ZFAND3: variants seen among roughly 807,000 people sequenced by gnomAD.
ZFAND3 encodes zinc finger AN1-type containing 3.
In ZFAND3, 10 loss-of-function variants were observed where a neutral mutation model predicts 29.6. The observed-to-expected ratio is 0.34, with a 90% CI of 0.21 to 0.57. The LOEUF (loss-of-function observed/expected upper bound fraction) is 0.57, where lower values mean the gene tolerates loss of function less well. Ranked by LOEUF, ZFAND3 falls within the 20% of genes least tolerant of loss-of-function variation. ZFAND3 has a pLI of 0.86. For missense variants in ZFAND3, 230 were observed against 304.5 expected (o/e 0.76, Z 1.82); for synonymous variants, 128 against 112.6 (o/e 1.14, Z -0.87).
chr6:37,896,586 T>G (rs147912923), intron 1 of ZFAND3, among the ~76,000 whole-genome samples: 2 of 135,024 alleles, frequency 1.5e-5, no homozygotes, highest in African/African-American at 5.3e-5. Flanking sequence ...TTCTCTCTCT[T>G]TCTCTTTTTC....
intron 2 of ZFAND3, among the ~76,000 whole-genome samples, chr6:37,932,577 T>C (rs1581772794): frequency 6.6e-6 from 1 of 152,334 alleles, no homozygotes; most frequent in African/African-American, 2.4e-5. Flanking sequence ...TGTAATTTAG[T>C]AAAGTATGGC....
At chr6:38,079,530 A>G (rs59578279) in intron 3 of ZFAND3, among the ~76,000 whole-genome samples, 1 of 152,172 alleles carries the variant, frequency 6.6e-6, no homozygotes, top group African/African-American at 2.4e-5. Flanking sequence ...TCTAGAACAT[A>G]TGTAAATATG....
chr6:37,898,464 C>A (rs1307278625), intron 1 of ZFAND3, among the ~76,000 whole-genome samples: 3 of 152,118 alleles, frequency 2.0e-5, no homozygotes, highest in African/African-American at 7.2e-5. Flanking sequence ...TATTATTCTT[C>A]ATGATTGTCT....
At chr6:38,044,506 G>A (rs1303328833) in intron 2 of ZFAND3, among the ~76,000 whole-genome samples, 1 of 152,110 alleles carries the variant, frequency 6.6e-6, no homozygotes, top group African/African-American at 2.4e-5. Flanking sequence ...CTCTTGACTA[G>A]GCATCTTTAA....
chr6:38,038,241 G>A (rs985167002), intron 2 of ZFAND3, among the ~76,000 whole-genome samples: 4 of 152,154 alleles, frequency 2.6e-5, no homozygotes, highest in Non-Finnish European at 5.9e-5. Context: ...AGAGAGCTTT[G>A]TTACCCTCTA....
At chr6:37,927,580 G>T (rs559494336) in intron 1 of ZFAND3, among the ~76,000 whole-genome samples, 75 of 152,340 alleles carry the variant, frequency 4.9e-4, no homozygotes, top group Admixed American at 1.8e-3. Flanking sequence ...TTCAAGTTCA[G>T]TTAGTTAAAA....
chr6:37,929,775 T>A (rs1050079837), intron 1 of ZFAND3, among the ~76,000 whole-genome samples, 184 bp from the exon 2 acceptor site: 4 of 151,596 alleles, frequency 2.6e-5, no homozygotes, highest in Admixed American at 1.3e-4. Flanking sequence ...TTTTTTTTTT[T>A]AATTTTTATT....
chr6:37,848,505 C>T (rs1456707643), intron 1 of ZFAND3, among the ~76,000 whole-genome samples: 3 of 152,214 alleles, frequency 2.0e-5, no homozygotes, highest in Non-Finnish European at 4.4e-5. Flanking sequence ...AATGGTTATT[C>T]TGCCTATGTG....
chr6:37,833,933 T>C (rs1763913967), intron 1 of ZFAND3, among the ~76,000 whole-genome samples: 1 of 152,014 alleles, frequency 6.6e-6, no homozygotes. Context: ...TTTAACTGTC[T>C]ACACACACAG....
chr6:38,044,106 A>G (rs1763850601), intron 2 of ZFAND3, among the ~76,000 whole-genome samples: 1 of 152,216 alleles, frequency 6.6e-6, no homozygotes, highest in South Asian at 2.1e-4. Flanking sequence ...GGCCATCTCA[A>G]CAAAAACTAA....
At chr6:37,828,134 A>G (rs1396027939) in intron 1 of ZFAND3, among the ~76,000 whole-genome samples, 1 of 152,228 alleles carries the variant, frequency 6.6e-6, no homozygotes. Context: ...AATCACACTC[A>G]CAGCCACACT....
chr6:37,978,155 G>C (rs567003617), intron 2 of ZFAND3, among the ~76,000 whole-genome samples: 1 of 151,992 alleles, frequency 6.6e-6, no homozygotes, highest in African/African-American at 2.4e-5. Context: ...GGCCAGTCTC[G>C]AACTGAGACT....
At chr6:37,965,481 C>T (rs1464050763) in intron 2 of ZFAND3, among the ~76,000 whole-genome samples, 3 of 152,030 alleles carry the variant, frequency 2.0e-5, no homozygotes, top group African/African-American at 7.2e-5. Context: ...TTTCTTGACC[C>T]GGACAGTATA....
At chr6:37,956,815 C>A (rs1762092597) in intron 2 of ZFAND3, among the ~76,000 whole-genome samples, 1 of 152,074 alleles carries the variant, frequency 6.6e-6, no homozygotes, top group Admixed American at 6.5e-5. Flanking sequence ...TATGGATGGT[C>A]TCATTAAGAG....
chr6:38,040,070 A>G (rs1214658773), intron 2 of ZFAND3, among the ~76,000 whole-genome samples: 2 of 152,036 alleles, frequency 1.3e-5, no homozygotes, highest in Non-Finnish European at 2.9e-5. Flanking sequence ...GAAAAATTTT[A>G]TTTTTGTACA....
intron 1 of ZFAND3, among the ~76,000 whole-genome samples, chr6:37,865,658 T>G (rs1156754467): frequency 6.6e-6 from 1 of 152,124 alleles, no homozygotes; most frequent in Non-Finnish European, 1.5e-5. Context: ...ACAGTTTGGG[T>G]GGACAAAATA....
chr6:37,951,869 G>A, intron 2 of ZFAND3, among the ~76,000 whole-genome samples: 1 of 152,160 alleles, frequency 6.6e-6, no homozygotes, highest in Non-Finnish European at 1.5e-5. Context: ...TGTTCCTTCA[G>A]TGCTTAGTTT....
At chr6:37,925,561 G>A (rs1219017226) in intron 1 of ZFAND3, among the ~76,000 whole-genome samples, 5 of 152,052 alleles carry the variant, frequency 3.3e-5, no homozygotes, top group East Asian at 1.9e-4. Context: ...AAAATTAGCC[G>A]GGCGTGGTGG....
intron 2 of ZFAND3, chr6:38,002,755 G>T (rs964616629): frequency 2.6e-5 from 4 of 152,140 alleles, no homozygotes; most frequent in African/African-American, 9.7e-5. Flanking sequence ...AAAGGAAAAA[G>T]CAATCAGTAC....
Sources: gnomAD v4.1 joint callset for allele counts (sites outside exome capture counted in the v4.1 genomes callset) on GRCh38, gnomAD v4.1.1 for gene constraint, MANE v1.5 for transcripts, NCBI Gene and HGNC (gene_info 2026-07-23, HGNC 2026-07-21) for gene names.